Variants in TRIM9 observed in about 807,000 individuals in gnomAD.
TRIM9 encodes tripartite motif containing 9, also known as E3 ubiquitin-protein ligase TRIM9.
A neutral mutation model predicts 78.3 loss-of-function variants in TRIM9; 26 were observed. The ratio of observed to expected loss-of-function variants is 0.33; its 90% CI spans 0.24 to 0.46. TRIM9 has a LOEUF of 0.46. Among genes scored for constraint, TRIM9 ranks in the 20% least tolerant of loss-of-function variants. The pLI is 1.00. For synonymous variants in TRIM9, 398 were observed against 416.5 expected (o/e 0.96, Z 0.54); for missense variants, 787 against 1,036.4 (o/e 0.76, Z 3.30).
intron 1 of TRIM9, among the ~76,000 whole-genome samples, chr14:51,078,700 G>C (rs1377547334): frequency 6.6e-6 from 1 of 152,122 alleles, no homozygotes; most frequent in Non-Finnish European, 1.5e-5. Context: ...ATCTAAAAAA[G>C]CCTAATATAC....
chr14:50,984,753 T>G (rs1323293073), intron 8 of TRIM9, among the ~76,000 whole-genome samples: 1 of 152,248 alleles, frequency 6.6e-6, no homozygotes, highest in Admixed American at 6.5e-5. Context: ...AATAATGCTC[T>G]TAAATACACC....
At chr14:50,994,510 T>C (rs973219912) in intron 7 of TRIM9, among the ~76,000 whole-genome samples, 5 of 152,206 alleles carry the variant, frequency 3.3e-5, no homozygotes, top group African/African-American at 1.2e-4. Context: ...ATAGACTTTG[T>C]CCTACAAAGT....
Position 51,094,671 on chromosome 14 carries a change from G to A in TRIM9, c.269C>T (p.Thr90Ile), listed in dbSNP as rs1477762138. Reference protein sequence around the residue: ...SYGGFASAPTTPCQKSPNGVR... With the variant: ...SYGGFASAPTIPCQKSPNGVR... ...GCCGTTGGGGGACTTCTGGCACGGG[G>A]TAGTGGGGGCGCTGGCGAACCCCCC... is the stretch of plus-strand genomic sequence containing the variant. Residue 90 changes from threonine to isoleucine, a missense_variant, in exon 1 of 13, where the codon ACC (threonine) becomes ATC (isoleucine). Physicochemically the swap from Thr to Ile is moderately conservative, Grantham distance 89. Coordinates refer to ENST00000684578, the MANE Select transcript of TRIM9 (RefSeq NM_001387360.1). 1 of 1,586,600 alleles carries A rather than the reference G, an allele frequency of 6.3e-7. No homozygotes were observed. The highest frequency in any genetic ancestry group is 8.6e-7 in the Non-Finnish European group (1 of 1,165,212).
At position 51,014,287 on chromosome 14, in the gene TRIM9, GA is replaced by G. The variant is rs549680352; in HGVS notation, c.1042-3794del. 2.9e-3 allele frequency among the ~76,000 whole-genome samples: 447 copies of G among 152,302 alleles called. 1 individual carries two copies. The highest frequency in any genetic ancestry group is 5.2e-3 in the Non-Finnish European group (353 of 68,030). Reference sequence around the variant, plus strand: ...GCTGGGGCTCTCTGCTGACTCTTAAGAAGCTTAATTGTTGCACTGCCAAAGA... The same window carrying G: ...GCTGGGGCTCTCTGCTGACTCTTAAGAGCTTAATTGTTGCACTGCCAAAGA... On this transcript the variant is annotated intron_variant, in intron 3 of 12. Coordinates refer to ENST00000684578, the MANE Select transcript of TRIM9 (RefSeq NM_001387360.1).
At chr14:50,998,697 T>C (rs191328042) in intron 6 of TRIM9, among the ~76,000 whole-genome samples, 55 of 152,288 alleles carry the variant, frequency 3.6e-4, no homozygotes, top group Non-Finnish European at 6.8e-4. Flanking sequence ...TCACAGAGAT[T>C]ACACTCCAAG....
chr14:51,054,884 C>A (rs2060770578), intron 1 of TRIM9, among the ~76,000 whole-genome samples: 1 of 144,122 alleles, frequency 6.9e-6, no homozygotes, highest in Non-Finnish European at 1.5e-5. Context: ...GGCTGGAGTG[C>A]AATGGTGCTA....
intron 7 of TRIM9, among the ~76,000 whole-genome samples, chr14:50,988,072 G>C (rs1320368698): frequency 6.6e-6 from 1 of 152,196 alleles, no homozygotes; most frequent in African/African-American, 2.4e-5. Context: ...AAAGTGCTGA[G>C]ATTACAGGCG....
At chr14:51,082,282 C>A (rs2063370821) in intron 1 of TRIM9, among the ~76,000 whole-genome samples, 2 of 152,082 alleles carry the variant, frequency 1.3e-5, no homozygotes, top group Admixed American at 1.3e-4. Flanking sequence ...GAAAACATGT[C>A]CACATAAAAA....
chr14:50,990,574 C>G (rs527616776), intron 7 of TRIM9, among the ~76,000 whole-genome samples: 4 of 152,088 alleles, frequency 2.6e-5, no homozygotes, highest in Non-Finnish European at 5.9e-5. Flanking sequence ...GAAAAGGTAG[C>G]CTTTGGGGTG....
In TRIM9 at chr14:50,977,319, A is replaced by C; in HGVS notation, c.2360T>G (p.Phe787Cys). The stretch of plus-strand genomic sequence containing the variant: ...GGCTATTGATGCTCTGCTGGAGTAG[A>C]AGTCGGGGACTGGGAGCCCGGTGTG... ...TLHTGLPVPD[F>C]YSSRASIA Residue 787 changes from phenylalanine (F) to cysteine (C), a missense_variant, in exon 13 of 13, where the codon TTC becomes TGC. Coordinates refer to ENST00000684578, the MANE Select transcript of TRIM9 (RefSeq NM_001387360.1). 1.3e-6 allele frequency: 2 copies of C among 1,548,788 alleles called. No homozygotes were observed. The highest frequency in any genetic ancestry group is 1.4e-5 in the African/African-American group (1 of 71,988).
chr14:51,042,349 C>T (rs2059637232), intron 1 of TRIM9, among the ~76,000 whole-genome samples: 1 of 152,194 alleles, frequency 6.6e-6, no homozygotes, highest in Non-Finnish European at 1.5e-5. Context: ...CTCTTCCTTC[C>T]TCCTCTCAAA....
intron 5 of TRIM9, among the ~76,000 whole-genome samples, chr14:51,008,427 T>C (rs1411487818): frequency 6.6e-6 from 1 of 152,250 alleles, no homozygotes; most frequent in African/African-American, 2.4e-5. Context: ...ATTTTTCAAA[T>C]GGGTATTACA....
At chr14:51,081,382 CAT>C (rs2063295024) in intron 1 of TRIM9, among the ~76,000 whole-genome samples, 1 of 152,164 alleles carries the variant, frequency 6.6e-6, no homozygotes, top group Non-Finnish European at 1.5e-5. Context: ...TTCGATCACT[CAT>C]ACACTGCTGG....
chr14:51,089,414 A>C (rs2064102845), intron 1 of TRIM9: 1 of 152,242 alleles, frequency 6.6e-6, no homozygotes, highest in Non-Finnish European at 1.5e-5. Flanking sequence ...TGGTAAGGAC[A>C]AATGTTCCCT....
At chr14:50,997,248 G>A (rs1471909301) in intron 7 of TRIM9, 1 of 985,132 alleles carries the variant, frequency 1.0e-6, no homozygotes, top group African/African-American at 1.7e-5. Context: ...GGTTATATCT[G>A]GCCATCAAAT....
chr14:50,997,478 G>T (rs1310015480), intron 7 of TRIM9: 1 of 985,494 alleles, frequency 1.0e-6, no homozygotes, highest in Non-Finnish European at 1.2e-6. Flanking sequence ...TGGTGCTGAC[G>T]GCCTCCGCTT....
chr14:50,979,300 C>T, intron 12 of TRIM9, 87 bp downstream of exon 12: 1 of 1,607,658 alleles, frequency 6.2e-7, no homozygotes, highest in Non-Finnish European at 8.5e-7. Flanking sequence ...GTCAGCTTCC[C>T]TCTCTTCGGT....
intron 1 of TRIM9, among the ~76,000 whole-genome samples, chr14:51,035,177 T>G (rs2059033792): frequency 6.6e-6 from 1 of 152,252 alleles, no homozygotes; most frequent in East Asian, 1.9e-4. Context: ...TTATCAAGGC[T>G]ATTCGTAGTG....
intron 1 of TRIM9, among the ~76,000 whole-genome samples, chr14:51,066,073 GA>G (rs1240337524): frequency 0.011 from 1,429 of 126,464 alleles, 34 homozygotes; most frequent in African/African-American, 0.041. Context: ...AGGAAGGAAG[GA>G]AGGAAGGAAG....
Sources: gnomAD v4.1 joint callset for allele counts (sites outside exome capture counted in the v4.1 genomes callset) on GRCh38, gnomAD v4.1.1 for gene constraint, MANE v1.5 for transcripts, NCBI Gene and HGNC (gene_info 2026-07-23, HGNC 2026-07-21) for gene names.